Variants in ABCC12 observed in about 807,000 individuals in gnomAD.
ABCC12 encodes the protein ATP-binding cassette sub-family C member 12.
ABCC12 carries 142 observed loss-of-function variants against 151.1 expected under a neutral mutation model. The observed-to-expected ratio is 0.94, with a 90% CI of 0.82 to 1.08. The LOEUF is 1.08. Ranked by LOEUF, ABCC12 falls within the 50% of genes least tolerant of loss-of-function variation. The pLI, the probability that ABCC12 is intolerant of heterozygous loss-of-function variation, is 0.00. For missense variants in ABCC12, 1,638 were observed against 1,691.1 expected, an observed-to-expected ratio of 0.97 and a Z score of 0.55; for synonymous variants, 645 against 646.4, an observed-to-expected ratio of 1.00 and a Z score of 0.03.
chr16:48,108,621 G>A, intron 18 of ABCC12, 92 bp from the exon 19 acceptor site: 1 of 893,928 alleles, frequency 1.1e-6, no homozygotes, highest in Non-Finnish European at 1.8e-6. Flanking sequence ...CCACAACACG[G>A]CTAAGGGGGC....
intron 14 of ABCC12, among the ~76,000 whole-genome samples, chr16:48,115,867 T>A (rs1286951023): frequency 2.0e-5 from 3 of 152,144 alleles, no homozygotes; most frequent in Non-Finnish European, 2.9e-5. Flanking sequence ...CTCTTTCCCA[T>A]GAGGATTGAG....
intron 7 of ABCC12, 41 bp downstream of exon 7, chr16:48,139,122 G>T: frequency 6.5e-7 from 1 of 1,537,452 alleles, no homozygotes; most frequent in East Asian, 2.3e-5. Flanking sequence ...TGTGTGAAAT[G>T]CAAATACAAA....
chr16:48,148,506 G>A (rs1332612166), intron 2 of ABCC12, among the ~76,000 whole-genome samples: 1 of 152,122 alleles, frequency 6.6e-6, no homozygotes, highest in East Asian at 1.9e-4. Flanking sequence ...CAAAAGTGCT[G>A]GGATTACAGG....
chr16:48,115,337 A>G, intron 15 of ABCC12, 78 bp downstream of exon 15: 5 of 1,477,026 alleles, frequency 3.4e-6, no homozygotes, highest in South Asian at 1.2e-5. Context: ...AGATATAGGC[A>G]GAAGAGGAGG....
intron 29 of ABCC12, among the ~76,000 whole-genome samples, chr16:48,085,221 T>C (rs1450021530): frequency 6.6e-6 from 1 of 152,126 alleles, no homozygotes; most frequent in Non-Finnish European, 1.5e-5. Context: ...ACAATTCCCA[T>C]ATCCTAGCAT....
chr16:48,135,410 A>G (rs1964576114), intron 8 of ABCC12, among the ~76,000 whole-genome samples: 1 of 152,048 alleles, frequency 6.6e-6, no homozygotes, highest in Non-Finnish European at 1.5e-5. Flanking sequence ...GAGACAGAGT[A>G]TTGCTTCGTC....
intron 9 of ABCC12, among the ~76,000 whole-genome samples, 194 bp downstream of exon 9, chr16:48,133,493 T>C (rs1597320677): frequency 1.4e-5 from 2 of 147,064 alleles, no homozygotes; most frequent in African/African-American, 5.1e-5. Flanking sequence ...GCCACTGCAC[T>C]CCAGCCTGGG....
At chr16:48,112,008 C>T (rs988941225) in intron 15 of ABCC12, 98 bp from the exon 16 acceptor site, 3 of 1,437,380 alleles carry the variant, frequency 2.1e-6, no homozygotes, top group Non-Finnish European at 1.9e-6. Flanking sequence ...ACTTTAGGGG[C>T]CAGATCATTC....
intron 23 of ABCC12, among the ~76,000 whole-genome samples, chr16:48,098,493 C>T (rs1963188436): frequency 6.6e-6 from 1 of 152,196 alleles, no homozygotes; most frequent in Non-Finnish European, 1.5e-5. Flanking sequence ...GCTGCCCTCT[C>T]CTCCTCTCTG....
rs375019289 is a variant in ABCC12, at chr16:48,100,903, C to T, written c.3007G>A (p.Ala1003Thr). 186 of 1,614,048 alleles carry T rather than the reference C, an allele frequency of 1.2e-4. No individual in the cohort carries two copies. The highest frequency in any genetic ancestry group is 3.3e-4 in the Middle Eastern group (2 of 6,084). ...SSMQGLGIIH[A>T]YGKKESCITY... ...ATGCAGCTCTCCTTCTTGCCATAGG[C>T]GTGAATGATGCCCAGGCCCTGCATG... The change falls in exon 23 of 31, where the codon GCC becomes ACC. Residue 1003 changes from alanine (A) to threonine (T), a missense_variant. Physicochemically the swap from Ala to Thr is moderately conservative, Grantham distance 58. Transcript: ENST00000311303.
In ABCC12 at chr16:48,154,192, A is replaced by T. The variant is rs1965153350; in HGVS notation, c.-319-308T>A. Among the ~76,000 whole-genome samples, 3 of 152,282 alleles carry T rather than the reference A, an allele frequency of 2.0e-5. No individual in the cohort carries two copies. In the South Asian group the frequency reaches 6.2e-4, roughly 32 times the overall value. ...GTCACTGGTGCACCCCTCTGCTAGCAGGCAGGGGGTTCCTAACCTAACCTC... is the reference window on the plus strand; with the variant it reads ...GTCACTGGTGCACCCCTCTGCTAGCTGGCAGGGGGTTCCTAACCTAACCTC... On this transcript the variant is annotated intron_variant, in intron 1 of 30. Transcript: ENST00000311303.
At chr16:48,151,202 TG>T (rs1177964011) in intron 2 of ABCC12, among the ~76,000 whole-genome samples, 1 of 152,178 alleles carries the variant, frequency 6.6e-6, no homozygotes, top group Non-Finnish European at 1.5e-5. Flanking sequence ...CTTAATATGA[TG>T]GGGCAAAAAG....
chr16:48,120,637 C>T (rs963095423), intron 13 of ABCC12, among the ~76,000 whole-genome samples: 1 of 150,836 alleles, frequency 6.6e-6, no homozygotes, highest in African/African-American at 2.4e-5. Context: ...CTCACTGCAA[C>T]CTCCACCTCC....
chr16:48,113,419 A>T (rs962958643), intron 15 of ABCC12, among the ~76,000 whole-genome samples: 8 of 152,210 alleles, frequency 5.3e-5, no homozygotes, highest in Non-Finnish European at 1.0e-4. Context: ...TCTGGTCAGC[A>T]AGCCCCCAGT....
chr16:48,100,856 C>T lies in ABCC12; in HGVS notation c.3038+16G>A, dbSNP rs746143677. Reference sequence around the variant, plus strand: ...GAAGCATGGGGGCCTGGGGCAGGGCCCCACATGGGACTCACTAGGTGATGC... The same window carrying T: ...GAAGCATGGGGGCCTGGGGCAGGGCTCCACATGGGACTCACTAGGTGATGC... On this transcript the variant is annotated intron_variant, in intron 23 of 30. Transcript: ENST00000311303. 43 of 1,612,702 alleles carry T rather than the reference C, an allele frequency of 2.7e-5. No homozygotes were observed. Among genetic ancestry groups the T allele is most frequent in the East Asian group, 6.7e-5 (3 of 44,862 alleles).
In ABCC12 at chr16:48,083,541, G is replaced by C. The variant is rs1357011466; in HGVS notation, c.*174C>G. 2.9e-6 allele frequency: 2 copies of C among 698,370 alleles called. No individual in the cohort carries two copies. Among genetic ancestry groups the C allele is most frequent in the Non-Finnish European group, 4.8e-6 (2 of 416,584 alleles). The allele number at this position is 698,370 out of a possible 1,614,324, so 43.3% of individuals were successfully genotyped here. On this transcript the variant is annotated 3_prime_UTR_variant, in exon 31 of 31. Coordinates refer to ENST00000311303, the MANE Select transcript of ABCC12 (RefSeq NM_001393797.1). ...AGAACCAACCCCAAGCCCACCAAGT[G>C]GGGTGACATGGACTGAGTATGGCAG...
At position 48,088,022 on chromosome 16, in the gene ABCC12, A is replaced by G. The variant is rs749566331; in HGVS notation, c.3539T>C (p.Ile1180Thr). The change falls in exon 27 of 31, where the codon ATT becomes ACT. Residue 1180 changes from isoleucine (I) to threonine (T), a missense_variant. Coordinates refer to ENST00000311303, the MANE Select transcript of ABCC12 (RefSeq NM_001393797.1). Reference sequence around the variant, plus strand: ...GAGAATGCAGATATCCACCTCATCAATAAAGATTGTGCCACTGGCTGGCTC... The same window carrying G: ...GAGAATGCAGATATCCACCTCATCAGTAAAGATTGTGCCACTGGCTGGCTC... ...LVEPASGTIFIDEVDICILSL... is the reference protein window; with the variant it reads ...LVEPASGTIFTDEVDICILSL... The G allele has an allele frequency of 3.7e-6, 6 of 1,614,232 alleles. No individual in the cohort carries two copies. Among genetic ancestry groups the G allele is most frequent in the South Asian group, 1.1e-5 (1 of 91,086 alleles).
At chr16:48,096,639 A>T in intron 24 of ABCC12, 107 bp downstream of exon 24, 3 of 1,182,070 alleles carry the variant, frequency 2.5e-6, no homozygotes, top group African/African-American at 1.5e-5. Context: ...TTTCTCATTT[A>T]AACCCATTCG....
In ABCC12 at chr16:48,117,288, G is replaced by A; in HGVS notation, c.1758C>T (p.Ser586=). The A allele has an allele frequency of 6.2e-7, 1 of 1,613,880 alleles. No individual in the cohort carries two copies. Among genetic ancestry groups the A allele is most frequent in the Non-Finnish European group, 8.5e-7 (1 of 1,179,918 alleles). ...VRVCGLQKDL[S]NLPYGDLTEI... is the part of the protein sequence containing the mutation. The stretch of plus-strand genomic sequence containing the variant: ...CAGTCAGGTCTCCATAGGGGAGGTT[G>A]CTCAGGTCCTTCTGGAGGCCACAGA... The change falls in exon 14 of 31, where the codon AGC becomes AGT. Residue 586 remains serine, a synonymous_variant. Transcript: ENST00000311303.
Sources: allele counts gnomAD v4.1 joint callset (sites outside exome capture counted in the v4.1 genomes callset), GRCh38; gene constraint gnomAD v4.1.1; transcripts MANE v1.5; gene names NCBI Gene and HGNC (gene_info 2026-07-23, HGNC 2026-07-21).